Variants in MUC4 observed in about 807,000 individuals in gnomAD.
The protein encoded by MUC4 is mucin 4, cell surface associated.
Under a neutral mutation model 257.9 loss-of-function variants are expected in MUC4, and 202 were observed. That is an observed-to-expected ratio of 0.78 (90% confidence interval 0.70 to 0.88). The LOEUF (loss-of-function observed/expected upper bound fraction) is 0.88. Ranked by LOEUF, MUC4 falls within the 40% of genes least tolerant of loss-of-function variation. The pLI is 0.00. For synonymous variants in MUC4, 2,351 were observed against 2,757.1 expected (o/e 0.85, Z 4.62); for missense variants, 5,976 against 6,513.7 (o/e 0.92, Z 2.84).
intron 8 of MUC4, 59 bp downstream of exon 8, chr3:195,766,604 G>A: frequency 6.7e-7 from 1 of 1,483,242 alleles, no homozygotes; most frequent in African/African-American, 1.4e-5. Flanking sequence ...ATGGTGTATG[G>A]GCTGGAGGAC....
Position 195,789,223 on chromosome 3 carries a change from T to G in MUC4, c.2357A>C (p.Gln786Pro). 1 of 1,613,864 alleles carries G rather than the reference T, an allele frequency of 6.2e-7. No homozygotes were observed. ...AESTEASGQT[Q>P]TSEPASSGSR... ...CCCTGAGGAGGCCGGTTCGCTGGTC[T>G]GTGTTTGTCCAGAGGCCTCTGTGCT... The change falls in exon 2 of 25, where the codon CAG becomes CCG. Residue 786 changes from glutamine to proline, a missense_variant. Physicochemically the swap from Gln to Pro is moderately conservative, Grantham distance 76 (BLOSUM62 -1). Coordinates refer to ENST00000463781, the MANE Select transcript of MUC4 (RefSeq NM_018406.7).
In MUC4 at chr3:195,750,872, G is replaced by A. The variant is rs112164757; in HGVS notation, c.15871+17C>T. 1,188 of 1,611,418 alleles carry A rather than the reference G, an allele frequency of 7.4e-4. 6 individuals are homozygous for A. In the African/African-American group the frequency reaches 0.01, roughly 14 times the overall value. On this transcript the variant is annotated intron_variant, in intron 23 of 24. Transcript: ENST00000463781. ...CCGCAGTGACCCCCATAGTGTCCCC[G>A]GAATGGACGGACTCACGGGCTGTCA... is the stretch of plus-strand genomic sequence containing the variant.
At position 195,763,628 on chromosome 3, in the gene MUC4, C is replaced by T. The variant is rs1719726021; in HGVS notation, c.14058G>A (p.Gly4686=). The change falls in exon 12 of 25, where the codon GGG becomes GGA. Residue 4686 remains glycine (G), a synonymous_variant. Coordinates refer to ENST00000463781, the MANE Select transcript of MUC4 (RefSeq NM_018406.7). The part of the protein sequence containing the change: ...YRPPQPAWMF[G]DPHITTLDGV... ...CATCCAAGGTGGTGATGTGGGGGTC[C>T]CCGAACATCCAGGCTGGAAGGAAAA... 3 of 1,536,802 alleles carry T rather than the reference C, an allele frequency of 2.0e-6. No homozygotes were observed. Among genetic ancestry groups the T allele is most frequent in the African/African-American group, 2.8e-5 (2 of 72,426 alleles).
chr3:195,780,263 G>A lies in MUC4; in HGVS notation c.11317C>T (p.His3773Tyr), dbSNP rs1221463278. 6 of 1,479,752 alleles carry A rather than the reference G, an allele frequency of 4.1e-6. No individual in the cohort carries two copies. In the African/African-American group the frequency reaches 5.9e-5, roughly 15 times the overall value. The allele number at this position is 1,479,752 out of a possible 1,614,324, so 91.7% of individuals were successfully genotyped here. Residue 3773 changes from histidine to tyrosine, a missense_variant, in exon 2 of 25, where the codon CAC becomes TAC. Physicochemically the swap from His to Tyr is moderately conservative, Grantham distance 83 (BLOSUM62 2). Coordinates refer to ENST00000463781, the MANE Select transcript of MUC4 (RefSeq NM_018406.7). ...TCGGTGACAGGAAGAGGCGTGGCGTGACCTGTGGACACTGAGGAAGCGTCG... is the reference window on the plus strand; with the variant it reads ...TCGGTGACAGGAAGAGGCGTGGCGTAACCTGTGGACACTGAGGAAGCGTCG... ...VTDASSVSTG[H>Y]ATPLPVTDAS...
At chr3:195,798,988 T>G (rs758880714) in intron 1 of MUC4, among the ~76,000 whole-genome samples, 13 of 152,252 alleles carry the variant, frequency 8.5e-5, no homozygotes, top group Non-Finnish European at 1.6e-4. Flanking sequence ...TGAGCTCTGG[T>G]GGCCTCCTTC....
rs958500456 is a variant in MUC4, at chr3:195,811,850, G to A, written c.-33C>T. On this transcript the variant is annotated 5_prime_UTR_variant, in exon 1 of 25. Transcript: ENST00000463781. Reference sequence around the variant, plus strand: ...GCAAAAGTCCCCCTGGCTCCCTGGGGAAGCTCCACGGCCCAGCAGCTGCAG... The same window carrying A: ...GCAAAAGTCCCCCTGGCTCCCTGGGAAAGCTCCACGGCCCAGCAGCTGCAG... The A allele has an allele frequency of 6.2e-7, 1 of 1,606,036 alleles. No homozygotes were observed. Among genetic ancestry groups the A allele is most frequent in the South Asian group, 1.1e-5 (1 of 90,760 alleles).
chr3:195,781,825 G>C lies in MUC4; in HGVS notation c.9755C>G (p.Thr3252Ser). Residue 3252 changes from threonine to serine, a missense_variant, in exon 2 of 25, where the codon ACC (threonine) becomes AGC (serine). Physicochemically the swap from Thr to Ser is moderately conservative, Grantham distance 58. This residue lies in a region of MUC4 where 51 missense variants were observed against 66.9 expected (regional missense o/e 0.76). Coordinates refer to ENST00000463781, the MANE Select transcript of MUC4 (RefSeq NM_018406.7). ...ACCTGTGGATGCTGAGGAAGTGTCGGTGACAGGAAGAGAGGTGGCATGACC... is the reference window on the plus strand; with the variant it reads ...ACCTGTGGATGCTGAGGAAGTGTCGCTGACAGGAAGAGAGGTGGCATGACC... Reference protein sequence around the residue: ...STGHATSLPVTDTSSASTGDT... With the variant: ...STGHATSLPVSDTSSASTGDT... The C allele has an allele frequency of 9.7e-7, 1 of 1,033,768 alleles. No homozygotes were observed. The highest frequency in any genetic ancestry group is 7.7e-5 in the East Asian group (1 of 12,912). 64.0% of individuals were successfully genotyped at this position (1,033,768 alleles called of 1,614,324 possible).
rs775954015 is a variant in MUC4, at chr3:195,781,279, G to A, written c.10301C>T (p.Ser3434Phe). The A allele has an allele frequency of 2.0e-5, 29 of 1,421,632 alleles. 2 individuals carry two copies. The highest frequency in any genetic ancestry group is 2.6e-5 in the Non-Finnish European group (28 of 1,057,478). The allele number at this position is 1,421,632 out of a possible 1,614,324, so 88.1% of individuals were successfully genotyped here. A position where few individuals can be genotyped will look rare whatever the true frequency, so the allele number is the denominator to read the frequency against. ...AGGAACAGGGGTGGCGTGACCGGTGGATGCTGAGGAAGTGCTGGTGACAGG... is the reference window on the plus strand; with the variant it reads ...AGGAACAGGGGTGGCGTGACCGGTGAATGCTGAGGAAGTGCTGGTGACAGG... ...PLPVTSTSSA[S>F]TGHATPVPVT... Residue 3434 changes from serine to phenylalanine, a missense_variant, in exon 2 of 25, where the codon TCC becomes TTC. By Grantham distance (155) the Ser-to-Phe change is radical (BLOSUM62 -2). Around this residue, in one of 44 missense-constraint regions of MUC4, gnomAD observed 297 missense variants for 240.9 expected, o/e 1.23. Coordinates refer to ENST00000463781, the MANE Select transcript of MUC4 (RefSeq NM_018406.7).
rs1170167006 is a variant in MUC4, at chr3:195,810,186, A to C, written c.82+1550T>G. The C allele has an allele frequency of 6.6e-6, 1 of 152,266 alleles. No individual in the cohort carries two copies. Among genetic ancestry groups the C allele is most frequent in the Admixed American group, 6.5e-5 (1 of 15,270 alleles). The allele number at this position is 152,266 out of a possible 1,614,324, so 9.4% of individuals were successfully genotyped here. A position where few individuals can be genotyped will look rare whatever the true frequency, so the allele number is the denominator to read the frequency against. On this transcript the variant is annotated intron_variant, in intron 1 of 24. Coordinates refer to ENST00000463781, the MANE Select transcript of MUC4 (RefSeq NM_018406.7). This position sits in a 1 kb window ranked among gnomAD's most constrained non-coding sequence, Gnocchi z 4.2. ...TTCCTTTGCCCTCAGCCTAGTCCTG[A>C]AACATCCCGAGGTGGAAGGGTCCGC...
chr3:195,772,279 G>T (rs1365414209), intron 4 of MUC4, among the ~76,000 whole-genome samples: 4 of 151,582 alleles, frequency 2.6e-5, no homozygotes, highest in Non-Finnish European at 5.9e-5. Flanking sequence ...CAGGGGTGCA[G>T]ACACCCCATC....
intron 19 of MUC4, 34 bp from the exon 20 acceptor site, chr3:195,753,264 G>T (rs746638720): frequency 6.2e-7 from 1 of 1,602,130 alleles, no homozygotes; most frequent in South Asian, 1.1e-5. Flanking sequence ...GCAGCAGCGC[G>T]CAGGGCAGCA....
rs1367061357 is a variant in MUC4 at position 195,781,327 on chromosome 3, G to C, written c.10253C>G (p.Ser3418Cys). 4.6e-6 allele frequency: 7 copies of C among 1,526,296 alleles called. No individual in the cohort carries two copies. Among genetic ancestry groups the C allele is most frequent in the South Asian group, 1.2e-5 (1 of 82,896 alleles). 94.5% of individuals were successfully genotyped at this position (1,526,296 alleles called of 1,614,324 possible). Residue 3418 changes from serine to cysteine, a missense_variant, in exon 2 of 25, where the codon TCC becomes TGC. Ser to Cys is a moderately radical substitution (Grantham distance 112, BLOSUM62 -1). Coordinates refer to ENST00000463781, the MANE Select transcript of MUC4 (RefSeq NM_018406.7). ...AGGAAGAGGGGTGGCGTGACCTGTGGATGCTGAGGAAGGGCTAGTGACAGG... is the reference window on the plus strand; with the variant it reads ...AGGAAGAGGGGTGGCGTGACCTGTGCATGCTGAGGAAGGGCTAGTGACAGG... ...PLPVTSPSSA[S>C]TGHATPLPVT...
chr3:195,778,028 T>C (rs111947925), intron 3 of MUC4, among the ~76,000 whole-genome samples: 3 of 152,234 alleles, frequency 2.0e-5, no homozygotes, highest in African/African-American at 7.2e-5. Context: ...CCTTCCATTG[T>C]GTGCACTTAG....
rs1716308368 is a variant in MUC4 at position 195,751,051 on chromosome 3, G to A, written c.15709C>T (p.Gln5237Ter). 2 of 1,613,200 alleles carry A rather than the reference G, an allele frequency of 1.2e-6. No homozygotes were observed. The highest frequency in any genetic ancestry group is 1.7e-5 in the Admixed American group (1 of 59,920). Residue 5237 changes from glutamine to a stop codon, truncating the protein, a stop_gained, in exon 23 of 25, where the codon CAG (glutamine) becomes TAG (stop). Transcript: ENST00000463781. LOFTEE classifies it high-confidence loss of function. ...ATGACCGGGCCCCGAGGGCGGTACT[G>A]GAACTCCGAGATGACCATCCAGTGT... ...IQHWMVISEF[Q>*]YRPRGPVIDF...
At chr3:195,800,768 G>C (rs1578474284) in intron 1 of MUC4, among the ~76,000 whole-genome samples, 2 of 151,944 alleles carry the variant, frequency 1.3e-5, no homozygotes, top group South Asian at 4.1e-4. Context: ...GTAAGAAAAT[G>C]GTTCTCAGCT....
intron 10 of MUC4, 123 bp from the exon 11 acceptor site, chr3:195,764,287 G>A: frequency 1.7e-6 from 2 of 1,169,768 alleles, no homozygotes; most frequent in Non-Finnish European, 2.4e-6. Context: ...GCAGGGCAGG[G>A]CGGTGTTGGT....
rs1422444580 is a variant in MUC4 at position 195,783,053 on chromosome 3, A to G, written c.8527T>C (p.Ser2843Pro). Residue 2843 changes from serine (S) to proline (P), a missense_variant, in exon 2 of 25, where the codon TCA becomes CCA. Coordinates refer to ENST00000463781, the MANE Select transcript of MUC4 (RefSeq NM_018406.7). ...ACAGGAAGAGGGGTGGTGTGACCTG[A>G]GGATGCTGAGGAAGGGATGGTGACA... ...LPVTIPSSAS[S>P]GHTTPLPVTD... The G allele has an allele frequency of 1.2e-5, 7 of 601,172 alleles. No homozygotes were observed. The highest frequency in any genetic ancestry group is 1.5e-5 in the Non-Finnish European group (7 of 468,234). 37.2% of individuals were successfully genotyped at this position (601,172 alleles called of 1,614,324 possible).
chr3:195,802,020 C>T (rs765912176), intron 1 of MUC4, among the ~76,000 whole-genome samples: 28 of 152,152 alleles, frequency 1.8e-4, no homozygotes, highest in Non-Finnish European at 3.7e-4. Context: ...GGCCACCCTG[C>T]GTCTACTCTC....
chr3:195,794,529 A>AT (rs1734324721), intron 1 of MUC4, among the ~76,000 whole-genome samples: 1 of 152,000 alleles, frequency 6.6e-6, no homozygotes, highest in African/African-American at 2.4e-5. Context: ...TGCCTGGGTA[A>AT]TTTTTTTATT....
Sources: gnomAD v4.1 joint callset for allele counts (sites outside exome capture counted in the v4.1 genomes callset) on GRCh38, gnomAD v4.1.1 for gene constraint, gnomAD v4.1.1 regional missense constraint, Gnocchi (gnomAD v3.1) non-coding constraint, MANE v1.5 for transcripts, NCBI Gene and HGNC (gene_info 2026-07-23, HGNC 2026-07-21) for gene names.